Variants in SLIT1 observed in about 807,000 individuals in gnomAD.
SLIT1 encodes slit homolog 1 protein.
In SLIT1, 66 loss-of-function variants were observed where a neutral mutation model predicts 186.1. The observed-to-expected ratio is 0.35, with a 90% CI of 0.29 to 0.44. SLIT1 has a LOEUF of 0.44. Among genes scored for constraint, SLIT1 ranks in the 20% least tolerant of loss-of-function variants. SLIT1 has a pLI of 1.00. For synonymous variants in SLIT1, 761 were observed against 833.8 expected, an observed-to-expected ratio of 0.91 and a Z score of 1.50; for missense variants, 1,638 against 2,037.4, an observed-to-expected ratio of 0.80 and a Z score of 3.77.
chr10:97,060,195 A>G (rs2134636606), intron 9 of SLIT1, 37 bp from the exon 10 acceptor site: 1 of 1,555,620 alleles, frequency 6.4e-7, no homozygotes. Flanking sequence ...CCAAGGGCCC[A>G]GGTCAGCCCA....
At chr10:97,057,899 AG>A (rs1040235394) in intron 11 of SLIT1, 59 of 690,988 alleles carry the variant, frequency 8.5e-5, no homozygotes, top group Admixed American at 2.0e-4. Context: ...AGGTTTGGGG[AG>A]GGGGGTTGTA....
At chr10:97,170,165 T>A (rs762084584) in intron 1 of SLIT1, among the ~76,000 whole-genome samples, 5 of 152,176 alleles carry the variant, frequency 3.3e-5, no homozygotes, top group Admixed American at 6.5e-5. Context: ...TCACCAAGAG[T>A]GTGGGCTCTG....
intron 9 of SLIT1, 81 bp downstream of exon 9, chr10:97,060,559 C>T (rs555726732): frequency 6.4e-7 from 1 of 1,564,446 alleles, no homozygotes; most frequent in African/African-American, 1.3e-5. Flanking sequence ...GAGGCAGCGC[C>T]TACTCCAGCT....
Position 97,063,590 on chromosome 10 carries a change from C to A in SLIT1, c.658G>T (p.Asp220Tyr). 1 of 1,611,898 alleles carries A rather than the reference C, an allele frequency of 6.2e-7. No individual in the cohort carries two copies. The highest frequency in any genetic ancestry group is 8.5e-7 in the Non-Finnish European group (1 of 1,179,060). Residue 220 changes from aspartate to tyrosine, a missense_variant, in exon 8 of 37, where the codon GAC becomes TAC. Around this residue, in one of 3 missense-constraint regions of SLIT1, gnomAD observed 1,245 missense variants for 1,535.3 expected, o/e 0.81. Transcript: ENST00000266058. ...FRLHSNHLFC[D>Y]CHLAWLSQWL... ...TGCGAGAGCCAGGCCAGGTGGCAGT[C>A]GCAAAACAGGTGGTTGGAGTGCAGG...
chr10:97,179,410 T>C (rs559202422), intron 1 of SLIT1, among the ~76,000 whole-genome samples: 91 of 152,236 alleles, frequency 6.0e-4, no homozygotes, highest in African/African-American at 2.2e-3. Flanking sequence ...CTGGGGAACA[T>C]AGTGAGATCC....
intron 25 of SLIT1, among the ~76,000 whole-genome samples, chr10:97,029,948 A>G (rs561590604): frequency 2.0e-5 from 3 of 152,330 alleles, no homozygotes; most frequent in African/African-American, 2.4e-5. Context: ...TCCATGTCAT[A>G]GCACGCATCG....
rs45536136 is a variant in SLIT1, at chr10:97,065,935, C to T, written c.485+80G>A. ...CCCTGGCTGCCTGGACCACACGGCT[C>T]GCTCAGGGATACCCTGAGGATGCTG... is the stretch of plus-strand genomic sequence containing the variant. On this transcript the variant is annotated intron_variant, in intron 5 of 36. Coordinates refer to ENST00000266058, the MANE Select transcript of SLIT1 (RefSeq NM_003061.3). The T allele has an allele frequency of 4.9e-3, 5,232 of 1,073,044 alleles. 18 individuals carry two copies. The highest frequency in any genetic ancestry group is 6.1e-3 in the Non-Finnish European group (4,314 of 711,806). 66.5% of individuals were successfully genotyped at this position (1,073,044 alleles called of 1,614,324 possible).
intron 28 of SLIT1, among the ~76,000 whole-genome samples, chr10:97,015,079 G>A (rs1353489340): frequency 6.6e-6 from 1 of 152,136 alleles, no homozygotes; most frequent in Non-Finnish European, 1.5e-5. Context: ...GGGGTGTGTG[G>A]ATCAGAGAGA....
intron 8 of SLIT1, 87 bp downstream of exon 8, chr10:97,063,367 AG>A: frequency 7.0e-7 from 1 of 1,435,688 alleles, no homozygotes; most frequent in Non-Finnish European, 9.8e-7. Flanking sequence ...TGGGCAGGCC[AG>A]GTATTAATGT....
chr10:97,045,809 GC>G (rs1444355532), intron 18 of SLIT1, among the ~76,000 whole-genome samples: 2 of 152,210 alleles, frequency 1.3e-5, no homozygotes, highest in East Asian at 3.8e-4. Context: ...TCATTTACTT[GC>G]TCAGAGACAA....
At chr10:97,051,651 A>G (rs968388235) in intron 13 of SLIT1, among the ~76,000 whole-genome samples, 2 of 152,128 alleles carry the variant, frequency 1.3e-5, no homozygotes, top group African/African-American at 4.8e-5. Context: ...CTCTACTAAA[A>G]ATACAAAAAG....
At chr10:97,087,699 G>A (rs1286275347) in intron 4 of SLIT1, among the ~76,000 whole-genome samples, 3 of 152,140 alleles carry the variant, frequency 2.0e-5, no homozygotes, top group African/African-American at 7.2e-5. Context: ...CTAGGGGGTA[G>A]TAACATCCCT....
Position 97,128,183 on chromosome 10 carries a change from G to A in SLIT1, c.413+29635C>T, listed in dbSNP as rs117879167. On this transcript the variant is annotated intron_variant, in intron 4 of 36. Transcript: ENST00000266058. ...CCCTCTTCTCCCCTCCTCCATCCAC[G>A]CTGCTTCCTCTCACCAGAACTCTAC... 6.7e-3 allele frequency among the ~76,000 whole-genome samples: 1,023 copies of A among 152,122 alleles called. 3 individuals are homozygous for A. Among genetic ancestry groups the A allele is most frequent in the Middle Eastern group, 0.014 (4 of 294 alleles).
intron 18 of SLIT1, among the ~76,000 whole-genome samples, chr10:97,045,344 C>T (rs955652117): frequency 7.9e-5 from 12 of 152,118 alleles, no homozygotes; most frequent in Admixed American, 5.2e-4. Flanking sequence ...TAATGGTGCT[C>T]ATATTAAGTT....
chr10:97,074,440 C>T (rs1223120171), intron 4 of SLIT1, among the ~76,000 whole-genome samples: 3 of 152,214 alleles, frequency 2.0e-5, no homozygotes, highest in Non-Finnish European at 2.9e-5. Context: ...CTCTGCCTAA[C>T]CAGGCTGCAG....
chr10:97,032,694 C>T (rs755697090), intron 23 of SLIT1, among the ~76,000 whole-genome samples: 11 of 152,188 alleles, frequency 7.2e-5, no homozygotes, highest in Admixed American at 4.6e-4. Flanking sequence ...GGCAGACAGG[C>T]AGATTAACAA....
intron 4 of SLIT1, chr10:97,103,163 C>T (rs1445014904): frequency 6.6e-6 from 1 of 152,198 alleles, no homozygotes; most frequent in Admixed American, 6.6e-5. Context: ...GGGATAGGTG[C>T]GAGTACATCA....
chr10:97,001,300 C>T lies in SLIT1; in HGVS notation c.4417G>A (p.Gly1473Ser). 1 of 1,613,242 alleles carries T rather than the reference C, an allele frequency of 6.2e-7. No homozygotes were observed. The highest frequency in any genetic ancestry group is 8.5e-7 in the Non-Finnish European group (1 of 1,180,004). ...PVRDFHQVQR[G>S]YAICQTTRPL... is the part of the protein sequence containing the mutation. Reference sequence around the variant, plus strand: ...CGCGTGGTCTGGCAGATGGCATAGCCCCTCTGGACCTGGTGAAAGTCCCGG... The same window carrying T: ...CGCGTGGTCTGGCAGATGGCATAGCTCCTCTGGACCTGGTGAAAGTCCCGG... The change falls in exon 37 of 37, where the codon GGC (glycine) becomes AGC (serine). Residue 1473 changes from glycine to serine, a missense_variant. By Grantham distance (56) the Gly-to-Ser change is moderately conservative. Coordinates refer to ENST00000266058, the MANE Select transcript of SLIT1 (RefSeq NM_003061.3).
At position 97,123,751 on chromosome 10, in the gene SLIT1, C is replaced by T. The variant is rs185937642; in HGVS notation, c.413+34067G>A. ...GTTGCAGTGAGCTCAGATTGCATCACTGCACTCCAGCCTAGGCGACAGGGT... is the reference window on the plus strand; with the variant it reads ...GTTGCAGTGAGCTCAGATTGCATCATTGCACTCCAGCCTAGGCGACAGGGT... On this transcript the variant is annotated intron_variant, in intron 4 of 36. Coordinates refer to ENST00000266058, the MANE Select transcript of SLIT1 (RefSeq NM_003061.3). Among the ~76,000 whole-genome samples the T allele has an allele frequency of 7.4e-4, 111 of 149,602 alleles. No individual in the cohort carries two copies. The Middle Eastern group carries it at 0.01, about 14-fold the overall frequency.
Sources: allele counts gnomAD v4.1 joint callset (sites outside exome capture counted in the v4.1 genomes callset), GRCh38; gene constraint gnomAD v4.1.1; regional missense constraint gnomAD v4.1.1; transcripts MANE v1.5; gene names NCBI Gene and HGNC (gene_info 2026-07-23, HGNC 2026-07-21).